Variants in LRIG2 observed in about 807,000 individuals in gnomAD.
The protein encoded by LRIG2 is leucine rich repeats and immunoglobulin like domains 2, also known as leucine-rich repeats and immunoglobulin-like domains protein 2.
A neutral mutation model predicts 107.8 loss-of-function variants in LRIG2; 93 were observed. The observed-to-expected ratio is 0.86, with a 90% confidence interval of 0.73 to 1.03. LRIG2 has a LOEUF of 1.03. LRIG2 is among the 50% of genes least tolerant of loss of function. The pLI is 0.00. For missense variants in LRIG2, 1,226 were observed against 1,296.0 expected, an observed-to-expected ratio of 0.95 and a Z score of 0.83; for synonymous variants, 471 against 470.6, an observed-to-expected ratio of 1.00 and a Z score of -0.01.
chr1:113,083,542 C>T (rs943261684), intron 1 of LRIG2, among the ~76,000 whole-genome samples: 3 of 151,116 alleles, frequency 2.0e-5, no homozygotes, highest in Non-Finnish European at 4.4e-5. Flanking sequence ...GACGGGGTTT[C>T]TCCATGTTGG....
At chr1:113,103,567 C>T (rs867526280) in intron 11 of LRIG2, 1 of 152,666 alleles carries the variant, frequency 6.6e-6, no homozygotes, top group African/African-American at 2.4e-5. Context: ...TCTACCTTAC[C>T]ATGCTTTAAC....
intron 2 of LRIG2, among the ~76,000 whole-genome samples, chr1:113,091,808 A>G (rs1363839277): frequency 6.6e-6 from 1 of 152,242 alleles, no homozygotes; most frequent in Admixed American, 6.5e-5. Context: ...GAATGTAATG[A>G]TTGATAGAAT....
chr1:113,097,601 T>C (rs1477439339), intron 8 of LRIG2, among the ~76,000 whole-genome samples: 1 of 152,230 alleles, frequency 6.6e-6, no homozygotes, highest in Non-Finnish European at 1.5e-5. Flanking sequence ...CTTTTGGCAG[T>C]TGAAGGGATG....
Position 113,100,218 on chromosome 1 carries a change from C to G in LRIG2, c.1180C>G (p.Gln394Glu). Residue 394 changes from glutamine to glutamate, a missense_variant, in exon 10 of 18, where the codon CAA (glutamine) becomes GAA (glutamate). Physicochemically the swap from Gln to Glu is conservative, Grantham distance 29. This residue lies in a region of LRIG2 where 570 missense variants were observed against 550.2 expected (regional missense o/e 1.04). Transcript: ENST00000361127. ...GLTSLTKLIL[Q>E]GNQIKSITKK... ...GATCTGTTTATATTTCAGAATCTTACAAGGAAACCAGATTAAGTCAATTAC... is the reference window on the plus strand; with the variant it reads ...GATCTGTTTATATTTCAGAATCTTAGAAGGAAACCAGATTAAGTCAATTAC... 2 of 1,569,878 alleles carry G rather than the reference C, an allele frequency of 1.3e-6. No individual in the cohort carries two copies. The highest frequency in any genetic ancestry group is 1.2e-5 in the South Asian group (1 of 86,236).
chr1:113,101,938 A>C (rs1235703463), intron 11 of LRIG2, among the ~76,000 whole-genome samples: 1 of 152,240 alleles, frequency 6.6e-6, no homozygotes, highest in African/African-American at 2.4e-5. Context: ...GAGGAAGATA[A>C]ATAATAGACC....
In LRIG2 at chr1:113,093,367, T is replaced by C. The variant is rs1221394550; in HGVS notation, c.381-63T>C. On this transcript the variant is annotated intron_variant, in intron 3 of 17. Coordinates refer to ENST00000361127, the MANE Select transcript of LRIG2 (RefSeq NM_014813.3). Reference sequence around the variant, plus strand: ...AAGCACATATATTGTTGATTCTAATTAACATTTTTGTGGCCTGGGGTGGAT... The same window carrying C: ...AAGCACATATATTGTTGATTCTAATCAACATTTTTGTGGCCTGGGGTGGAT... The C allele has an allele frequency of 1.2e-5, 19 of 1,578,532 alleles. No individual in the cohort carries two copies. In the South Asian group the frequency reaches 2.1e-4, roughly 17 times the overall value.
Position 113,090,730 on chromosome 1 carries a change from A to C in LRIG2, c.240-588A>C, listed in dbSNP as rs575380898. Among the ~76,000 whole-genome samples, 9 of 151,570 alleles carry C rather than the reference A, an allele frequency of 5.9e-5. No homozygotes were observed. In the South Asian group the frequency reaches 1.0e-3, roughly 18 times the overall value. On this transcript the variant is annotated intron_variant, in intron 1 of 17. Transcript: ENST00000361127. ...GCGGGCGCCTGTAGTCCCAGCTACT[A>C]GGGAGGCTGAGGCAGGAGAATGGCG...
chr1:113,112,608 T>C lies in LRIG2; in HGVS notation c.1928T>C (p.Phe643Ser). The C allele has an allele frequency of 1.2e-6, 2 of 1,614,204 alleles. No homozygotes were observed. The highest frequency in any genetic ancestry group is 2.2e-5 in the East Asian group (1 of 44,884). ...TGGCAGAAAGATGGTGGTACTGACTTTCCTGCGGCTCGAGAAAGACGCATG... is the reference window on the plus strand; with the variant it reads ...TGGCAGAAAGATGGTGGTACTGACTCTCCTGCGGCTCGAGAAAGACGCATG... Reference protein sequence around the residue: ...ISWQKDGGTDFPAARERRMHV... With the variant: ...ISWQKDGGTDSPAARERRMHV... Residue 643 changes from phenylalanine to serine, a missense_variant, in exon 14 of 18, where the codon TTT becomes TCT. Physicochemically the swap from Phe to Ser is radical, Grantham distance 155. This residue lies in a region of LRIG2 where 642 missense variants were observed against 712.2 expected (regional missense o/e 0.90). Coordinates refer to ENST00000361127, the MANE Select transcript of LRIG2 (RefSeq NM_014813.3).
chr1:113,073,226 T>C lies in LRIG2; in HGVS notation c.-181T>C, dbSNP rs1250612402. 4 of 612,854 alleles carry C rather than the reference T, an allele frequency of 6.5e-6. No homozygotes were observed. Among genetic ancestry groups the C allele is most frequent in the Non-Finnish European group, 1.2e-5 (4 of 343,744 alleles). The allele number at this position is 612,854 out of a possible 1,614,324, so 38.0% of individuals were successfully genotyped here. ...CGAGAGGTGTCCGTCAGGCCGTGTG[T>C]CCCAGGCCGTCGACCCCGCTGTCGC... On this transcript the variant is annotated 5_prime_UTR_variant, in exon 1 of 18. Coordinates refer to ENST00000361127, the MANE Select transcript of LRIG2 (RefSeq NM_014813.3).
In LRIG2 at chr1:113,073,482, T is replaced by C. The variant is rs752570935; in HGVS notation, c.76T>C (p.Phe26Leu). The C allele has an allele frequency of 1.9e-6, 3 of 1,613,960 alleles. No homozygotes were observed. The African/African-American group carries it at 4.0e-5, about 22-fold the overall frequency. The change falls in exon 1 of 18, where the codon TTC becomes CTC. Residue 26 changes from phenylalanine to leucine, a missense_variant. Physicochemically the swap from Phe to Leu is conservative, Grantham distance 22 (BLOSUM62 0). Coordinates refer to ENST00000361127, the MANE Select transcript of LRIG2 (RefSeq NM_014813.3). ...ATCTAGAGTGCTTTCTCGGTTACTC[T>C]TCATTGCCCAGACCGCTCTCCTCCT... ...CRSRVLSRLL[F>L]IAQTALLLLP...
chr1:113,095,118 G>A (rs1259377378), intron 6 of LRIG2, among the ~76,000 whole-genome samples: 9 of 151,794 alleles, frequency 5.9e-5, no homozygotes, highest in Admixed American at 6.6e-5. Flanking sequence ...GATTACAGGC[G>A]TGTGCCACCA....
intron 14 of LRIG2, among the ~76,000 whole-genome samples, chr1:113,113,531 T>C (rs1030992145): frequency 2.3e-4 from 2 of 8,770 alleles, no homozygotes; most frequent in African/African-American, 3.5e-4. Context: ...AGAAGTCATT[T>C]ATTTATTTAT....
chr1:113,104,470 C>T (rs946826542), intron 11 of LRIG2, among the ~76,000 whole-genome samples: 2 of 152,066 alleles, frequency 1.3e-5, no homozygotes, highest in African/African-American at 4.8e-5. Flanking sequence ...CAGACAGCCC[C>T]TAGATGTCTC....
intron 1 of LRIG2, among the ~76,000 whole-genome samples, chr1:113,085,314 A>G (rs1167432298): frequency 6.6e-6 from 1 of 152,080 alleles, no homozygotes; most frequent in African/African-American, 2.4e-5. Flanking sequence ...ACAGAGTTTC[A>G]TTCTTGTTGC....
intron 2 of LRIG2, among the ~76,000 whole-genome samples, chr1:113,092,866 G>A (rs1323547372): frequency 6.6e-6 from 1 of 152,012 alleles, no homozygotes; most frequent in Non-Finnish European, 1.5e-5. Flanking sequence ...GTGCATGCCT[G>A]TAATCCCAGA....
At chr1:113,103,678 A>G (rs1654401501) in intron 11 of LRIG2, 2 of 154,000 alleles carry the variant, frequency 1.3e-5, no homozygotes, top group South Asian at 4.1e-4. Context: ...CAGGACCCCA[A>G]GTGTGCACCT....
At chr1:113,118,964 G>A (rs556682042) in intron 16 of LRIG2, among the ~76,000 whole-genome samples, 49 of 152,218 alleles carry the variant, frequency 3.2e-4, no homozygotes, top group African/African-American at 1.1e-3. Flanking sequence ...GCACCCGGTA[G>A]CGGTATGACT....
rs902295370 is a variant in LRIG2 at position 113,124,224 on chromosome 1, A to G, written c.*123A>G. The stretch of plus-strand genomic sequence containing the variant: ...TACTCTTTCTTTATGATTGCATCTG[A>G]CCGCACCAAGGTGGGCCATGCGTTG... On this transcript the variant is annotated 3_prime_UTR_variant, in exon 18 of 18. Transcript: ENST00000361127. 1.2e-6 allele frequency: 1 copy of G among 843,256 alleles called. No individual in the cohort carries two copies. The highest frequency in any genetic ancestry group is 1.9e-6 in the Non-Finnish European group (1 of 538,324). The allele number at this position is 843,256 out of a possible 1,614,324, so 52.2% of individuals were successfully genotyped here.
At chr1:113,097,851 G>A (rs944705895) in intron 8 of LRIG2, among the ~76,000 whole-genome samples, 8 of 152,116 alleles carry the variant, frequency 5.3e-5, no homozygotes, top group African/African-American at 1.9e-4. Context: ...CTGAAGAGTT[G>A]AGCCATTGGT....
Sources: allele counts gnomAD v4.1 joint callset (sites outside exome capture counted in the v4.1 genomes callset), GRCh38; gene constraint gnomAD v4.1.1; regional missense constraint gnomAD v4.1.1; transcripts MANE v1.5; gene names NCBI Gene and HGNC (gene_info 2026-07-23, HGNC 2026-07-21).